The following CHMP3 variants were observed in gnomAD, a reference collection of about 807,000 sequenced individuals.
CHMP3 encodes the protein charged multivesicular body protein 3.
In CHMP3, 8 loss-of-function variants were observed where a neutral mutation model predicts 27.4. The observed-to-expected ratio is 0.29, with a 90% CI of 0.17 to 0.53. CHMP3 has a LOEUF of 0.53. Among genes scored for constraint, CHMP3 ranks in the 20% least tolerant of loss-of-function variants. The pLI is 0.96. For missense variants in CHMP3, 208 were observed against 271.5 expected, an observed-to-expected ratio of 0.77 and a Z score of 1.64; for synonymous variants, 86 against 85.5, an observed-to-expected ratio of 1.01 and a Z score of -0.03.
At chr2:86,542,091 T>C (rs1227246591) in intron 2 of CHMP3, among the ~76,000 whole-genome samples, 161 bp downstream of exon 2, 4 of 152,178 alleles carry the variant, frequency 2.6e-5, no homozygotes, top group South Asian at 2.1e-4. Context: ...CTTTTTTTAA[T>C]ACTGATTACA....
At chr2:86,555,095 G>A (rs1263401902) in intron 1 of CHMP3, among the ~76,000 whole-genome samples, 3 of 151,894 alleles carry the variant, frequency 2.0e-5, no homozygotes, top group Non-Finnish European at 2.9e-5. Flanking sequence ...TGATCTGCTC[G>A]CCCCAGCCTC....
intron 1 of CHMP3, among the ~76,000 whole-genome samples, chr2:86,551,523 C>A (rs942216026): frequency 2.6e-5 from 4 of 152,168 alleles, no homozygotes. Flanking sequence ...TCCCAAAGTG[C>A]TGGGATTACA....
chr2:86,531,206 G>C (rs568240226), intron 2 of CHMP3, among the ~76,000 whole-genome samples: 1 of 150,984 alleles, frequency 6.6e-6, no homozygotes, highest in African/African-American at 2.4e-5. Context: ...ATGGGGTTTC[G>C]CCACGTTGCC....
chr2:86,548,429 G>A (rs1392508639), intron 1 of CHMP3, among the ~76,000 whole-genome samples: 1 of 152,128 alleles, frequency 6.6e-6, no homozygotes, highest in African/African-American at 2.4e-5. Flanking sequence ...GTTTAACAAA[G>A]CACATCTTGC....
chr2:86,514,189 G>A (rs967101369), intron 3 of CHMP3, among the ~76,000 whole-genome samples: 3 of 152,206 alleles, frequency 2.0e-5, no homozygotes, highest in African/African-American at 7.2e-5. Context: ...CCATGTACAA[G>A]ATAACCAGCT....
chr2:86,562,266 G>C (rs145185516), intron 1 of CHMP3: 1 of 152,126 alleles, frequency 6.6e-6, no homozygotes, highest in African/African-American at 2.4e-5. Context: ...ATTTATTAAA[G>C]GATTTCAGGA....
intron 1 of CHMP3, among the ~76,000 whole-genome samples, chr2:86,560,388 G>C (rs1357054076): frequency 6.6e-6 from 1 of 152,166 alleles, no homozygotes; most frequent in African/African-American, 2.4e-5. Context: ...CATAAAAAAG[G>C]ATGAGTTCAC....
At position 86,507,502 on chromosome 2, in the gene CHMP3, C is replaced by G. The variant is rs578080094; in HGVS notation, c.500G>C (p.Arg167Thr). ...ACCTGCTGTAATTTCAAAGAGAATTCTGTCAATTTCCATTTCTGCTTCTTC... is the reference window on the plus strand; with the variant it reads ...ACCTGCTGTAATTTCAAAGAGAATTGTGTCAATTTCCATTTCTGCTTCTTC... The part of the protein sequence containing the change: ...MEEEAEMEID[R>T]ILFEITAGAL... Residue 167 changes from arginine to threonine, a missense_variant, in exon 5 of 6, where the codon AGA becomes ACA. Physicochemically the swap from Arg to Thr is moderately conservative, Grantham distance 71. Around this residue, in one of 3 missense-constraint regions of CHMP3, gnomAD observed 94 missense variants for 159.6 expected, o/e 0.59. Transcript: ENST00000263856. 12 of 1,614,038 alleles carry G rather than the reference C, an allele frequency of 7.4e-6. No homozygotes were observed. Among genetic ancestry groups the G allele is most frequent in the Non-Finnish European group, 9.3e-6 (11 of 1,180,026 alleles).
intron 1 of CHMP3, among the ~76,000 whole-genome samples, chr2:86,554,483 C>A (rs951504364): frequency 6.6e-6 from 1 of 152,096 alleles, no homozygotes. Context: ...CACTGATAAT[C>A]AGGAAAAAGC....
chr2:86,510,277 C>CCCCCAAA, intron 4 of CHMP3, 81 bp downstream of exon 4: 2 of 1,118,946 alleles, frequency 1.8e-6, no homozygotes, highest in Non-Finnish European at 2.6e-6. Context: ...CATCCCCACC[C>CCCCCAAA]ACCCTCATCC....
At position 86,504,564 on chromosome 2, in the gene CHMP3, C is replaced by A. The variant is rs1292565376; in HGVS notation, c.*1240G>T. 8.9e-6 allele frequency: 1 copy of A among 112,984 alleles called. No homozygotes were observed. Among genetic ancestry groups the A allele is most frequent in the East Asian group, 2.7e-4 (1 of 3,756 alleles). 7.0% of individuals were successfully genotyped at this position (112,984 alleles called of 1,614,324 possible). ...ATCTTGCTATGTTGCCCAGGCTGGT[C>A]TTGAACTCCTATTCTCAAGAGAGCC... On this transcript the variant is annotated 3_prime_UTR_variant, in exon 6 of 6. Transcript: ENST00000263856.
intron 1 of CHMP3, among the ~76,000 whole-genome samples, chr2:86,558,397 TAG>T (rs1357181643): frequency 1.3e-5 from 2 of 152,238 alleles, no homozygotes; most frequent in Admixed American, 6.5e-5. Flanking sequence ...AATGTTTCCC[TAG>T]AGAGTTCCTT....
chr2:86,562,772 C>T (rs1298919874), intron 1 of CHMP3: 2 of 152,566 alleles, frequency 1.3e-5, no homozygotes, highest in Admixed American at 6.5e-5. Flanking sequence ...GTCCCTGCCC[C>T]GCTACGGTAT....
Position 86,522,942 on chromosome 2 carries a change from T to C in CHMP3, c.286+6276A>G, listed in dbSNP as rs1675568923. Among the ~76,000 whole-genome samples the C allele has an allele frequency of 2.0e-5, 3 of 152,308 alleles. No individual in the cohort carries two copies. The South Asian group carries it at 6.2e-4, about 32-fold the overall frequency. ...ACTGTTTCCTGAACATAGCCTGAAA[T>C]ATTTCAACTGTGCCTTTGTATACCT... On this transcript the variant is annotated intron_variant, in intron 3 of 5. Transcript: ENST00000263856.
intron 3 of CHMP3, among the ~76,000 whole-genome samples, chr2:86,520,496 T>A (rs1402015590): frequency 6.6e-6 from 1 of 152,050 alleles, no homozygotes; most frequent in South Asian, 2.1e-4. Context: ...ACCCCCATGA[T>A]CCAATCACCT....
At chr2:86,559,766 C>T (rs1677274375) in intron 1 of CHMP3, among the ~76,000 whole-genome samples, 1 of 152,152 alleles carries the variant, frequency 6.6e-6, no homozygotes, top group Non-Finnish European at 1.5e-5. Flanking sequence ...GATAATCTAA[C>T]ACTAAAAATC....
chr2:86,522,098 C>G (rs970961595), intron 3 of CHMP3, among the ~76,000 whole-genome samples: 2 of 152,146 alleles, frequency 1.3e-5, no homozygotes, highest in African/African-American at 4.8e-5. Flanking sequence ...TGGAAAGCAC[C>G]TAATCATGAC....
At chr2:86,533,340 AT>A (rs1050451839) in intron 2 of CHMP3, among the ~76,000 whole-genome samples, 1 of 151,892 alleles carries the variant, frequency 6.6e-6, no homozygotes, top group Non-Finnish European at 1.5e-5. Context: ...AGGTGTATAC[AT>A]TTTTTTGTCT....
Position 86,507,593 on chromosome 2 carries a change from C to A in CHMP3, c.409G>T (p.Ala137Ser). 2 of 1,613,496 alleles carry A rather than the reference C, an allele frequency of 1.2e-6. No individual in the cohort carries two copies. The highest frequency in any genetic ancestry group is 1.7e-6 in the Non-Finnish European group (2 of 1,179,420). The change falls in exon 5 of 6, where the codon GCT becomes TCT. Residue 137 changes from alanine (A) to serine (S), a missense_variant and splice_region_variant. Ala to Ser is a moderately conservative substitution (Grantham distance 99, BLOSUM62 1). This residue lies in a region of CHMP3 where 94 missense variants were observed against 159.6 expected (regional missense o/e 0.59). Transcript: ENST00000263856. ...TCTAACATCTCCTCTATGATCCCAG[C>A]CTAAACAGAATAAATATGTCACTTC... ...MRELSKEMMK[A>S]GIIEEMLEDT...
Sources: gnomAD v4.1 joint callset for allele counts (sites outside exome capture counted in the v4.1 genomes callset) on GRCh38, gnomAD v4.1.1 for gene constraint, gnomAD v4.1.1 regional missense constraint, MANE v1.5 for transcripts, NCBI Gene and HGNC (gene_info 2026-07-23, HGNC 2026-07-21) for gene names.